DDX10: variants seen among roughly 807,000 people sequenced by gnomAD.
DDX10 encodes probable ATP-dependent RNA helicase DDX10.
DDX10 carries 74 observed loss-of-function variants against 104.3 expected under a neutral mutation model. That is an observed-to-expected ratio of 0.71 (90% confidence interval 0.59 to 0.86). The LOEUF is 0.86. Among genes scored for constraint, DDX10 ranks in the 40% least tolerant of loss-of-function variants. The pLI is 0.00. For synonymous variants in DDX10, 351 were observed against 353.4 expected, an observed-to-expected ratio of 0.99 and a Z score of 0.08; for missense variants, 952 against 1,040.0, an observed-to-expected ratio of 0.92 and a Z score of 1.16.
At chr11:108,674,441 A>T (rs2094221189) in intron 2 of DDX10, among the ~76,000 whole-genome samples, 1 of 152,020 alleles carries the variant, frequency 6.6e-6, no homozygotes, top group Non-Finnish European at 1.5e-5. Context: ...AAATCTACTT[A>T]GTATTTTTTC....
chr11:108,673,686 G>A (rs542952446), intron 2 of DDX10, among the ~76,000 whole-genome samples, 159 bp downstream of exon 2: 1 of 152,266 alleles, frequency 6.6e-6, no homozygotes, highest in South Asian at 2.1e-4. Flanking sequence ...TTAACAGTAC[G>A]TTATTCTCAT....
chr11:108,772,135 T>TA (rs1404187515), intron 13 of DDX10, among the ~76,000 whole-genome samples: 1 of 152,248 alleles, frequency 6.6e-6, no homozygotes, highest in African/African-American at 2.4e-5. Context: ...AGAAGTGCTT[T>TA]ATGCGTAGTT....
In DDX10 at chr11:108,816,964, T is replaced by C. The variant is rs546294518; in HGVS notation, c.1966-21482T>C. Among the ~76,000 whole-genome samples the C allele has an allele frequency of 7.9e-5, 12 of 152,344 alleles. No homozygotes were observed. In the South Asian group the frequency reaches 2.5e-3, roughly 32 times the overall value. ...GTAAACAAGATTATGTCATGTATCT[T>C]GGTCAAAACTTGCACAGTAAAGTCC... is the stretch of plus-strand genomic sequence containing the variant. On this transcript the variant is annotated intron_variant, in intron 13 of 17. Coordinates refer to ENST00000322536, the MANE Select transcript of DDX10 (RefSeq NM_004398.4).
chr11:108,766,251 T>C (rs1038756902), intron 13 of DDX10, among the ~76,000 whole-genome samples: 1 of 152,250 alleles, frequency 6.6e-6, no homozygotes, highest in African/African-American at 2.4e-5. Context: ...TAACATGTGG[T>C]TATACAATTC....
chr11:108,783,619 T>G (rs766578538), intron 13 of DDX10, among the ~76,000 whole-genome samples: 1 of 152,154 alleles, frequency 6.6e-6, no homozygotes, highest in Non-Finnish European at 1.5e-5. Flanking sequence ...AAATCCAGAG[T>G]ATGGGAGAAA....
intron 13 of DDX10, among the ~76,000 whole-genome samples, chr11:108,745,037 T>TCTTTCCCCCTTCCCCCTTCCCCCTTCCC (rs1304245560): frequency 5.8e-4 from 32 of 54,906 alleles, no homozygotes; most frequent in Non-Finnish European, 8.8e-4. Flanking sequence ...AATTACTTTT[T>TCTTTCCCCCTTCCCCCTTCCCCCTTCCC]CCTTCCCCCT....
chr11:108,738,772 C>T (rs1432825252), intron 13 of DDX10, among the ~76,000 whole-genome samples: 1 of 152,148 alleles, frequency 6.6e-6, no homozygotes, highest in African/African-American at 2.4e-5. Flanking sequence ...TGAGATTCTA[C>T]CCTACTTGCA....
At chr11:108,665,400 G>A (rs1281444903) in intron 1 of DDX10, 61 bp downstream of exon 1, 1 of 1,489,646 alleles carries the variant, frequency 6.7e-7, no homozygotes, top group Non-Finnish European at 8.9e-7. Flanking sequence ...GTCTCACTGC[G>A]GCGAGGAGTT....
intron 13 of DDX10, among the ~76,000 whole-genome samples, chr11:108,805,991 C>T (rs930350522): frequency 2.6e-5 from 4 of 151,740 alleles, no homozygotes; most frequent in Non-Finnish European, 5.9e-5. Context: ...GATGGAGTTT[C>T]GCTCTTGTTG....
In DDX10 at chr11:108,783,413, A is replaced by G. The variant is rs556030854; in HGVS notation, c.1966-55033A>G. Among the ~76,000 whole-genome samples the G allele has an allele frequency of 1.2e-4, 18 of 152,210 alleles. No homozygotes were observed. In the South Asian group the frequency reaches 2.3e-3, roughly 19 times the overall value. On this transcript the variant is annotated intron_variant, in intron 13 of 17. Transcript: ENST00000322536. ...CGTTGATAAAGGAATAGAGGAGAGGATGAGTGGGCCACAGTTCAAGAAGGC... is the reference window on the plus strand; with the variant it reads ...CGTTGATAAAGGAATAGAGGAGAGGGTGAGTGGGCCACAGTTCAAGAAGGC...
At chr11:108,797,897 T>G (rs1239245935) in intron 13 of DDX10, among the ~76,000 whole-genome samples, 2 of 152,338 alleles carry the variant, frequency 1.3e-5, no homozygotes, top group Admixed American at 1.3e-4. Flanking sequence ...CTTTATTTGC[T>G]TGTTCAGCCA....
chr11:108,707,909 C>T (rs1398632531), intron 10 of DDX10, among the ~76,000 whole-genome samples: 1 of 152,198 alleles, frequency 6.6e-6, no homozygotes, highest in East Asian at 1.9e-4. Flanking sequence ...ATCTTAATTG[C>T]TTCCAAGCTT....
intron 13 of DDX10, among the ~76,000 whole-genome samples, chr11:108,837,587 C>T (rs1862571965): frequency 8.4e-6 from 1 of 118,906 alleles, no homozygotes; most frequent in South Asian, 3.0e-4. Context: ...GTGTTTTCTG[C>T]ATCTCACCTT....
At position 108,838,434 on chromosome 11, in the gene DDX10, G is replaced by T. The variant is rs1188285900; in HGVS notation, c.1966-12G>T. On this transcript the variant is annotated splice_polypyrimidine_tract_variant and intron_variant, in intron 13 of 17. Coordinates refer to ENST00000322536, the MANE Select transcript of DDX10 (RefSeq NM_004398.4). Reference sequence around the variant, plus strand: ...TCCTAATCATCTGTGTTTTTTGTATGTTCTCACACAGAAGAAAGAACCTTC... The same window carrying T: ...TCCTAATCATCTGTGTTTTTTGTATTTTCTCACACAGAAGAAAGAACCTTC... 6.2e-7 allele frequency: 1 copy of T among 1,604,234 alleles called. No homozygotes were observed. The highest frequency in any genetic ancestry group is 1.7e-5 in the Admixed American group (1 of 58,496).
chr11:108,728,811 G>A (rs1050328842), intron 13 of DDX10, among the ~76,000 whole-genome samples: 1 of 152,058 alleles, frequency 6.6e-6, no homozygotes, highest in African/African-American at 2.4e-5. Context: ...AAGCCGCTGT[G>A]CCCTGCTCAT....
At position 108,841,420 on chromosome 11, in the gene DDX10, G is replaced by A. The variant is rs375095576; in HGVS notation, c.2191G>A (p.Glu731Lys). The A allele has an allele frequency of 8.7e-6, 14 of 1,613,856 alleles. No individual in the cohort carries two copies. Among genetic ancestry groups the A allele is most frequent in the Non-Finnish European group, 1.2e-5 (14 of 1,179,876 alleles). ...ACATAAAGCAAAGGAAAGACTTCAGGAAGAGGACAAATTTGACAAAGAAGA... is the reference window on the plus strand; with the variant it reads ...ACATAAAGCAAAGGAAAGACTTCAGAAAGAGGACAAATTTGACAAAGAAGA... The part of the protein sequence containing the change: ...NLHKAKERLQ[E>K]EDKFDKEEYR... The change falls in exon 15 of 18, where the codon GAA becomes AAA. Residue 731 changes from glutamate to lysine, a missense_variant. Glu to Lys is a moderately conservative substitution (Grantham distance 56). Coordinates refer to ENST00000322536, the MANE Select transcript of DDX10 (RefSeq NM_004398.4).
At chr11:108,771,763 A>G (rs1448130441) in intron 13 of DDX10, among the ~76,000 whole-genome samples, 1 of 152,190 alleles carries the variant, frequency 6.6e-6, no homozygotes, top group Non-Finnish European at 1.5e-5. Flanking sequence ...TTAATTGGTA[A>G]AGAAGTTGTA....
intron 1 of DDX10, among the ~76,000 whole-genome samples, chr11:108,668,087 T>C (rs1187300585): frequency 6.6e-6 from 1 of 152,228 alleles, no homozygotes; most frequent in Non-Finnish European, 1.5e-5. Context: ...TTGCTCTGGT[T>C]GGCAGCATTG....
intron 16 of DDX10, among the ~76,000 whole-genome samples, chr11:108,882,434 T>C (rs1863239384): frequency 6.6e-6 from 1 of 152,198 alleles, no homozygotes; most frequent in Non-Finnish European, 1.5e-5. Flanking sequence ...TTAGAAAAGA[T>C]TGAGCACCTA....
Sources: allele counts gnomAD v4.1 joint callset (sites outside exome capture counted in the v4.1 genomes callset), GRCh38; gene constraint gnomAD v4.1.1; transcripts MANE v1.5; gene names NCBI Gene and HGNC (gene_info 2026-07-23, HGNC 2026-07-21).